Variants in N4BP2 observed in about 807,000 individuals in gnomAD.
N4BP2 encodes the protein NEDD4-binding protein 2.
A neutral mutation model predicts 152.8 loss-of-function variants in N4BP2; 91 were observed. That is an observed-to-expected ratio of 0.60 (90% CI 0.50 to 0.71). The LOEUF (loss-of-function observed/expected upper bound fraction) is 0.71. Among genes scored for constraint, N4BP2 ranks in the 30% least tolerant of loss-of-function variants. N4BP2 has a pLI of 0.00. For synonymous variants in N4BP2, 646 were observed against 705.3 expected, an observed-to-expected ratio of 0.92 and a Z score of 1.33; for missense variants, 1,923 against 2,059.1, an observed-to-expected ratio of 0.93 and a Z score of 1.28.
intron 14 of N4BP2, among the ~76,000 whole-genome samples, chr4:40,139,818 ATTTTTTTTTCT>A (rs1719746589): frequency 1.0e-5 from 1 of 97,068 alleles, no homozygotes; most frequent in Non-Finnish European, 2.1e-5. Flanking sequence ...TTTTTTTTAC[ATTTTTTTTTCT>A]TTTTTTTTTT....
chr4:40,162,765 CAGG>C (rs1721892169), downstream of N4BP2, among the ~76,000 whole-genome samples: 1 of 152,090 alleles, frequency 6.6e-6, no homozygotes, highest in Non-Finnish European at 1.5e-5. Context: ...GGGGATTTAT[CAGG>C]AGAATTGGCT....
intron 2 of N4BP2, among the ~76,000 whole-genome samples, chr4:40,095,639 T>C (rs1247210875): frequency 6.6e-6 from 1 of 152,082 alleles, no homozygotes; most frequent in African/African-American, 2.4e-5. Context: ...TAGAAGATGA[T>C]AAGGGCAATG....
At chr4:40,132,316 T>C (rs552069635) in intron 13 of N4BP2, among the ~76,000 whole-genome samples, 1 of 152,270 alleles carries the variant, frequency 6.6e-6, no homozygotes, top group Non-Finnish European at 1.5e-5. Flanking sequence ...ATCTTTACCA[T>C]TATTGTTTCT....
At position 40,064,288 on chromosome 4, in the gene N4BP2, T is replaced by G. The variant is rs552449647; in HGVS notation, c.-212+7258T>G. 5.3e-5 allele frequency among the ~76,000 whole-genome samples: 8 copies of G among 152,302 alleles called. No homozygotes were observed. The South Asian group carries it at 6.2e-4, about 12-fold the overall frequency. On this transcript the variant is annotated intron_variant, in intron 1 of 17. Coordinates refer to ENST00000261435, the MANE Select transcript of N4BP2 (RefSeq NM_018177.6). Reference sequence around the variant, plus strand: ...ACAAGTACTTATTTATTGATTGATTTATTTGAGACAGAGTCTCGCTCTGTT... The same window carrying G: ...ACAAGTACTTATTTATTGATTGATTGATTTGAGACAGAGTCTCGCTCTGTT...
intron 4 of N4BP2, 125 bp downstream of exon 4, chr4:40,103,343 T>C: frequency 1.3e-6 from 1 of 777,224 alleles, no homozygotes. Flanking sequence ...GTTTTCTTTT[T>C]ACTAAGGTTT....
At chr4:40,152,951 C>T in intron 17 of N4BP2, 48 bp downstream of exon 17, 1 of 1,583,156 alleles carries the variant, frequency 6.3e-7, no homozygotes, top group East Asian at 2.2e-5. Context: ...CCATATAGAT[C>T]TTTATCAGAT....
At chr4:40,188,348 ATACT>A in the N4BP2 span, among the ~76,000 whole-genome samples, 195 of 152,376 alleles carry the variant, frequency 1.3e-3, 2 homozygotes, top group Admixed American at 2.8e-3. Context: ...CCTGAGCAAG[ATACT>A]TAATCTCTCT....
Position 40,142,867 on chromosome 4 carries a change from G to A in N4BP2, c.4974+6G>A. ...CCACCTTTTATGCCCAGCAGGTAAA[G>A]TGGAAAACTGATTATATATTTTTTG... On this transcript the variant is annotated splice_donor_region_variant and intron_variant, in intron 15 of 17. Coordinates refer to ENST00000261435, the MANE Select transcript of N4BP2 (RefSeq NM_018177.6). The A allele has an allele frequency of 1.9e-6, 3 of 1,611,842 alleles. No individual in the cohort carries two copies. Among genetic ancestry groups the A allele is most frequent in the Non-Finnish European group, 2.5e-6 (3 of 1,178,922 alleles).
intron 2 of N4BP2, among the ~76,000 whole-genome samples, chr4:40,093,980 C>T (rs557655706): frequency 1.3e-5 from 2 of 152,276 alleles, no homozygotes; most frequent in South Asian, 4.1e-4. Flanking sequence ...GAGTGGTCTG[C>T]CCACCTCAGC....
chr4:40,125,781 G>A (rs1043290411), intron 11 of N4BP2, among the ~76,000 whole-genome samples: 11 of 151,836 alleles, frequency 7.2e-5, no homozygotes, highest in African/African-American at 2.7e-4. Context: ...CAGCTACTTC[G>A]GAGGCTGAGG....
rs567192021 is a variant in N4BP2, at chr4:40,101,973, A to G, written c.230-102A>G. On this transcript the variant is annotated intron_variant, in intron 3 of 17. Coordinates refer to ENST00000261435, the MANE Select transcript of N4BP2 (RefSeq NM_018177.6). ...ATATTGTACATTTATATTCTGTTCA[A>G]TGCAAAATCCAATATAATTTTAGCT... 6 of 706,754 alleles carry G rather than the reference A, an allele frequency of 8.5e-6. No homozygotes were observed. In the South Asian group the frequency reaches 1.3e-4, roughly 15 times the overall value. The allele number at this position is 706,754 out of a possible 1,614,324, so 43.8% of individuals were successfully genotyped here.
intron 1 of N4BP2, among the ~76,000 whole-genome samples, chr4:40,060,834 G>T (rs943865179): frequency 4.6e-5 from 7 of 152,030 alleles, no homozygotes; most frequent in Non-Finnish European, 1.0e-4. Flanking sequence ...CAAACTTGTG[G>T]GCTCAAGCAG....
chr4:40,126,282 CA>C lies in N4BP2; in HGVS notation c.4480del (p.Arg1494GlufsTer3). ...WNTQTKKVSL[R>X]EIMSEEIALQ... is the part of the protein sequence containing the mutation. ...ATACTCAAACTAAAAAAGTATCACT[CA>C]GAGAAATAATGTCAGAAGAAATTGC... On this transcript the variant is annotated frameshift_variant, in exon 12 of 18. Coordinates refer to ENST00000261435, the MANE Select transcript of N4BP2 (RefSeq NM_018177.6). LOFTEE classifies it high-confidence loss of function. The C allele has an allele frequency of 6.3e-7, 1 of 1,584,910 alleles. No homozygotes were observed. Among genetic ancestry groups the C allele is most frequent in the South Asian group, 1.2e-5 (1 of 86,376 alleles).
chr4:40,148,350 C>A (rs568412083), intron 16 of N4BP2, among the ~76,000 whole-genome samples: 12 of 152,234 alleles, frequency 7.9e-5, no homozygotes, highest in Admixed American at 2.0e-4. Flanking sequence ...ACTGGGCAGG[C>A]GGAGGCAGGA....
At chr4:40,181,444 C>A in the N4BP2 span, among the ~76,000 whole-genome samples, 41 of 152,262 alleles carry the variant, frequency 2.7e-4, no homozygotes, top group Non-Finnish European at 4.4e-4. Flanking sequence ...CAGAAAACCC[C>A]CAAGCAATGG....
At chr4:40,068,360 C>T (rs1027194427) in intron 1 of N4BP2, among the ~76,000 whole-genome samples, 1 of 152,104 alleles carries the variant, frequency 6.6e-6, no homozygotes, top group Admixed American at 6.6e-5. Context: ...GTTGCCTATG[C>T]CTTTGGTGTC....
At chr4:40,147,536 A>G (rs6531758) in intron 16 of N4BP2, among the ~76,000 whole-genome samples, 60,683 of 146,064 alleles carry the variant, frequency 0.42, 13,138 homozygotes, top group East Asian at 0.78. Context: ...CTGGCCGGGC[A>G]GAGGCGCCCC....
intron 16 of N4BP2, among the ~76,000 whole-genome samples, chr4:40,146,930 T>A (rs1720586323): frequency 6.6e-6 from 1 of 151,260 alleles, no homozygotes; most frequent in East Asian, 1.9e-4. Context: ...TTATTTTTTT[T>A]ATTGATCATT....
intron 2 of N4BP2, among the ~76,000 whole-genome samples, chr4:40,090,815 C>T (rs1714455226): frequency 6.6e-6 from 1 of 151,792 alleles, no homozygotes; most frequent in South Asian, 2.1e-4. Context: ...TGCCTGTAAA[C>T]CCAGCTACTC....
Sources: gnomAD v4.1 joint callset for allele counts (sites outside exome capture counted in the v4.1 genomes callset) on GRCh38, gnomAD v4.1.1 for gene constraint, MANE v1.5 for transcripts, NCBI Gene and HGNC (gene_info 2026-07-23, HGNC 2026-07-21) for gene names.